Variants in HS2ST1 observed in about 807,000 individuals in gnomAD.
The protein encoded by HS2ST1 is heparan sulfate 2-O-sulfotransferase 1, also known as 2-O-sulfotransferase.
Under a neutral mutation model 42.9 loss-of-function variants are expected in HS2ST1, and 18 were observed. The ratio of observed to expected loss-of-function variants is 0.42; its 90% CI spans 0.29 to 0.62. The LOEUF (loss-of-function observed/expected upper bound fraction) is 0.62, where lower values mean the gene tolerates loss of function less well. Among genes scored for constraint, HS2ST1 ranks in the 20% least tolerant of loss-of-function variants. The pLI is 0.21. For synonymous variants in HS2ST1, 146 were observed against 152.9 expected, an observed-to-expected ratio of 0.95 and a Z score of 0.33; for missense variants, 334 against 433.8, an observed-to-expected ratio of 0.77 and a Z score of 2.04.
intron 3 of HS2ST1, among the ~76,000 whole-genome samples, chr1:87,090,858 A>G (rs1053674794): frequency 6.6e-6 from 1 of 151,920 alleles, no homozygotes; most frequent in South Asian, 2.1e-4. Context: ...TAGCTGCCTC[A>G]AGGACCTCTT....
At chr1:87,070,097 G>A (rs923981594) in intron 1 of HS2ST1, among the ~76,000 whole-genome samples, 3 of 152,052 alleles carry the variant, frequency 2.0e-5, no homozygotes, top group African/African-American at 7.2e-5. Context: ...TCCTACTTGT[G>A]TGAGTGGGTG....
At chr1:86,936,552 A>G (rs1480936449) in intron 1 of HS2ST1, among the ~76,000 whole-genome samples, 2 of 152,192 alleles carry the variant, frequency 1.3e-5, no homozygotes, top group Non-Finnish European at 2.9e-5. Flanking sequence ...TAACCCTTAC[A>G]ACCTCCTAAG....
Position 87,092,577 on chromosome 1 carries a change from C to G in HS2ST1, c.496C>G (p.Pro166Ala). 6.3e-7 allele frequency: 1 copy of G among 1,585,806 alleles called. No homozygotes were observed. Among genetic ancestry groups the G allele is most frequent in the African/African-American group, 1.4e-5 (1 of 73,292 alleles). Residue 166 changes from proline to alanine, a missense_variant, in exon 4 of 7, where the codon CCT becomes GCT. Transcript: ENST00000370550. ...AATTTACATTAATGTCATAAGGGAT[C>G]CTATTGAGAGGCTAGTTTCTTATTA... ...KPIYINVIRD[P>A]IERLVSYYYF... is the part of the protein sequence containing the mutation.
intron 1 of HS2ST1, among the ~76,000 whole-genome samples, chr1:86,991,196 A>T (rs1210606840): frequency 6.6e-6 from 1 of 151,802 alleles, no homozygotes; most frequent in Non-Finnish European, 1.5e-5. Flanking sequence ...GCTCCACTTC[A>T]TGTCCCACTC....
At chr1:86,915,235 G>T (rs1660119435) in intron 1 of HS2ST1, 75 bp downstream of exon 1, 2 of 1,523,018 alleles carry the variant, frequency 1.3e-6, no homozygotes, top group Non-Finnish European at 8.8e-7. Context: ...GCAAGTGGGC[G>T]TTCATCTAAC....
At position 87,104,594 on chromosome 1, in the gene HS2ST1, G is replaced by T; in HGVS notation, c.969G>T (p.Gln323His). The T allele has an allele frequency of 2.5e-6, 4 of 1,613,406 alleles. No individual in the cohort carries two copies. Among genetic ancestry groups the T allele is most frequent in the African/African-American group, 1.3e-5 (1 of 75,016 alleles). Residue 323 changes from glutamine to histidine, a missense_variant, in exon 7 of 7, where the codon CAG becomes CAT. Coordinates refer to ENST00000370550, the MANE Select transcript of HS2ST1 (RefSeq NM_012262.4). Reference sequence around the variant, plus strand: ...AGTTCTATGAATTTGCACTAGAGCAGTTCCAATTCATCAGAGCCCATGCCG... The same window carrying T: ...AGTTCTATGAATTTGCACTAGAGCATTTCCAATTCATCAGAGCCCATGCCG... ...ENEFYEFALE[Q>H]FQFIRAHAVR... is the part of the protein sequence containing the mutation.
At chr1:87,028,084 G>C (rs1193135297) in intron 1 of HS2ST1, among the ~76,000 whole-genome samples, 1 of 152,224 alleles carries the variant, frequency 6.6e-6, no homozygotes, top group Admixed American at 6.5e-5. Context: ...CTGTCTCACA[G>C]GTCTGTCATA....
chr1:87,036,090 G>T (rs1392945367), intron 1 of HS2ST1, among the ~76,000 whole-genome samples: 1 of 152,062 alleles, frequency 6.6e-6, no homozygotes, highest in Non-Finnish European at 1.5e-5. Flanking sequence ...TTGTTAGTTT[G>T]CTGAGAATGG....
intron 5 of HS2ST1, among the ~76,000 whole-genome samples, chr1:87,099,924 A>G (rs942597607): frequency 6.6e-6 from 1 of 152,098 alleles, no homozygotes; most frequent in Non-Finnish European, 1.5e-5. Flanking sequence ...CTCCAACATA[A>G]TCCTTGACTT....
At chr1:86,985,383 T>TATATATATATATATACACACACACAC (rs1413099470) in intron 1 of HS2ST1, among the ~76,000 whole-genome samples, 2 of 44,706 alleles carry the variant, frequency 4.5e-5, no homozygotes, top group African/African-American at 1.0e-4. Flanking sequence ...TATATATATA[T>TATATATATATATATACACACACACAC]ACACACACAC....
intron 1 of HS2ST1, among the ~76,000 whole-genome samples, chr1:86,998,966 T>C (rs1450279029): frequency 6.6e-6 from 1 of 152,294 alleles, no homozygotes; most frequent in South Asian, 2.1e-4. Context: ...GTGATTCATA[T>C]ACACATTTAA....
At chr1:86,927,662 A>G (rs1660450506) in intron 1 of HS2ST1, among the ~76,000 whole-genome samples, 1 of 152,152 alleles carries the variant, frequency 6.6e-6, no homozygotes, top group Non-Finnish European at 1.5e-5. Context: ...TTGGGAAAGG[A>G]GAGTTGTGTT....
chr1:86,982,075 A>C (rs1648610943), intron 1 of HS2ST1, among the ~76,000 whole-genome samples: 1 of 152,242 alleles, frequency 6.6e-6, no homozygotes, highest in Non-Finnish European at 1.5e-5. Flanking sequence ...GGAAGCTGCC[A>C]GTGCTTGGGG....
At chr1:87,035,721 G>A (rs1254209651) in intron 1 of HS2ST1, among the ~76,000 whole-genome samples, 2 of 151,854 alleles carry the variant, frequency 1.3e-5, no homozygotes, top group Non-Finnish European at 2.9e-5. Context: ...TGACCCATTA[G>A]TTTGAAATAA....
At chr1:86,925,051 T>C (rs1164160026) in intron 1 of HS2ST1, among the ~76,000 whole-genome samples, 1 of 152,232 alleles carries the variant, frequency 6.6e-6, no homozygotes, top group Non-Finnish European at 1.5e-5. Context: ...GCTTTGCTGC[T>C]TAGAAATTTC....
intron 5 of HS2ST1, among the ~76,000 whole-genome samples, chr1:87,098,768 G>A (rs922389400): frequency 6.6e-6 from 1 of 152,024 alleles, no homozygotes; most frequent in African/African-American, 2.4e-5. Flanking sequence ...GACCCAGTTT[G>A]GCCTTTCACC....
At chr1:87,015,722 T>C (rs1428162640) in intron 1 of HS2ST1, among the ~76,000 whole-genome samples, 4 of 152,222 alleles carry the variant, frequency 2.6e-5, no homozygotes, top group African/African-American at 4.8e-5. Context: ...CATCTTACTT[T>C]ACATTTCTGG....
Position 86,952,353 on chromosome 1 carries a change from T to A in HS2ST1, c.124+37193T>A, listed in dbSNP as rs569016447. 7.9e-5 allele frequency among the ~76,000 whole-genome samples: 12 copies of A among 152,248 alleles called. No individual in the cohort carries two copies. In the South Asian group the frequency reaches 2.5e-3, roughly 32 times the overall value. ...CCTGGGCTCAAGTGATTCTCCTGCCTCAGTCTCCTGAGTAGCTGGGATTAC... is the reference window on the plus strand; with the variant it reads ...CCTGGGCTCAAGTGATTCTCCTGCCACAGTCTCCTGAGTAGCTGGGATTAC... On this transcript the variant is annotated intron_variant, in intron 1 of 6. Coordinates refer to ENST00000370550, the MANE Select transcript of HS2ST1 (RefSeq NM_012262.4).
intron 1 of HS2ST1, among the ~76,000 whole-genome samples, chr1:86,930,085 G>C (rs115462205): frequency 0.022 from 3,309 of 149,674 alleles, 43 homozygotes; most frequent in South Asian, 0.054. Context: ...ACTGTGTTGT[G>C]ATCACCTCTT....
Sources: gnomAD v4.1 joint callset for allele counts (sites outside exome capture counted in the v4.1 genomes callset) on GRCh38, gnomAD v4.1.1 for gene constraint, MANE v1.5 for transcripts, NCBI Gene and HGNC (gene_info 2026-07-23, HGNC 2026-07-21) for gene names.